Variants in ITFG1 observed in about 807,000 individuals in gnomAD.
The protein encoded by ITFG1 is T-cell immunomodulatory protein.
A neutral mutation model predicts 81.8 loss-of-function variants in ITFG1; 34 were observed. That is an observed-to-expected ratio of 0.42 (90% CI 0.32 to 0.55). The LOEUF (loss-of-function observed/expected upper bound fraction) is 0.55. Ranked by LOEUF, ITFG1 falls within the 20% of genes least tolerant of loss-of-function variation. The pLI is 0.17. For missense variants in ITFG1, 672 were observed against 755.4 expected, an observed-to-expected ratio of 0.89 and a Z score of 1.29; for synonymous variants, 285 against 270.6, an observed-to-expected ratio of 1.05 and a Z score of -0.52.
chr16:47,269,672 G>A (rs1181829612), intron 10 of ITFG1, among the ~76,000 whole-genome samples: 2 of 152,032 alleles, frequency 1.3e-5, no homozygotes, highest in African/African-American at 4.8e-5. Flanking sequence ...ATAGTCAGAG[G>A]ATGCAATATT....
chr16:47,185,848 C>T (rs368597620), intron 14 of ITFG1, among the ~76,000 whole-genome samples: 3 of 151,984 alleles, frequency 2.0e-5, no homozygotes, highest in Admixed American at 6.6e-5. Flanking sequence ...ATCAACAAAA[C>T]TGATAGACCG....
intron 8 of ITFG1, chr16:47,317,508 T>C (rs1033260098): frequency 6.6e-6 from 1 of 152,212 alleles, no homozygotes; most frequent in Non-Finnish European, 1.5e-5. Flanking sequence ...TGGCCCCAGA[T>C]TACCTTTCCA....
chr16:47,348,153 C>G (rs1967887798), intron 8 of ITFG1, among the ~76,000 whole-genome samples: 1 of 152,172 alleles, frequency 6.6e-6, no homozygotes, highest in South Asian at 2.1e-4. Context: ...AATCAGAGCA[C>G]CTCTCCTCCT....
At chr16:47,396,311 A>G (rs1340490658) in intron 6 of ITFG1, 4 of 185,838 alleles carry the variant, frequency 2.2e-5, no homozygotes, top group African/African-American at 9.5e-5. Flanking sequence ...GGAGGGAGGA[A>G]GTAGAGGGGG....
At chr16:47,208,617 C>T (rs1289675639) in intron 14 of ITFG1, among the ~76,000 whole-genome samples, 1 of 152,130 alleles carries the variant, frequency 6.6e-6, no homozygotes. Flanking sequence ...TTTCTGTTGG[C>T]AACCATAAGA....
intron 14 of ITFG1, among the ~76,000 whole-genome samples, chr16:47,193,222 T>A (rs1160180): frequency 0.14 from 19,730 of 145,404 alleles, 2,792 homozygotes; most frequent in African/African-American, 0.36. Context: ...ATTAAAAAAA[T>A]TTTTTTTTTT....
At chr16:47,397,559 A>G (rs1164263905) in intron 6 of ITFG1, among the ~76,000 whole-genome samples, 1 of 152,222 alleles carries the variant, frequency 6.6e-6, no homozygotes. Flanking sequence ...GACACTGGAC[A>G]ATGTCTAAAG....
chr16:47,212,571 C>G (rs1965577154), intron 14 of ITFG1, among the ~76,000 whole-genome samples: 1 of 152,112 alleles, frequency 6.6e-6, no homozygotes, highest in Non-Finnish European at 1.5e-5. Context: ...TTGGGTCTAC[C>G]TATTTCTTTT....
At chr16:47,190,706 A>G (rs1187478765) in intron 14 of ITFG1, among the ~76,000 whole-genome samples, 1 of 152,220 alleles carries the variant, frequency 6.6e-6, no homozygotes, top group East Asian at 1.9e-4. Context: ...CATGAAGCAA[A>G]GCAGAATACT....
At chr16:47,348,454 G>C (rs1038667300) in intron 8 of ITFG1, among the ~76,000 whole-genome samples, 1 of 152,166 alleles carries the variant, frequency 6.6e-6, no homozygotes, top group Non-Finnish European at 1.5e-5. Context: ...GGAAGAAAGG[G>C]TATCAGTGAT....
At chr16:47,275,189 C>T (rs1204622288) in intron 10 of ITFG1, among the ~76,000 whole-genome samples, 1 of 151,998 alleles carries the variant, frequency 6.6e-6, no homozygotes, top group Non-Finnish European at 1.5e-5. Flanking sequence ...ATCTGTTATT[C>T]TACTCTGTTT....
intron 10 of ITFG1, among the ~76,000 whole-genome samples, chr16:47,303,747 C>G (rs969428496): frequency 1.3e-5 from 2 of 152,174 alleles, no homozygotes; most frequent in African/African-American, 4.8e-5. Context: ...CTCAGGCCTC[C>G]TGAGTCCCTA....
chr16:47,254,404 TTAC>T (rs924731256), intron 12 of ITFG1, among the ~76,000 whole-genome samples: 1 of 152,060 alleles, frequency 6.6e-6, no homozygotes, highest in African/African-American at 2.4e-5. Flanking sequence ...ATTATTATTA[TTAC>T]AACTGGGAAT....
chr16:47,419,376 C>A (rs1451543416), intron 6 of ITFG1, among the ~76,000 whole-genome samples: 1 of 151,968 alleles, frequency 6.6e-6, no homozygotes, highest in Non-Finnish European at 1.5e-5. Context: ...TCAAGCAATC[C>A]CCCCATCTCA....
chr16:47,229,380 G>C (rs1965791648), intron 13 of ITFG1, among the ~76,000 whole-genome samples: 1 of 152,148 alleles, frequency 6.6e-6, no homozygotes, highest in South Asian at 2.1e-4. Context: ...GGTGACAGAG[G>C]TGACAGAACA....
At chr16:47,443,908 TAAATA>T (rs1296739147) in intron 5 of ITFG1, among the ~76,000 whole-genome samples, 1 of 151,754 alleles carries the variant, frequency 6.6e-6, no homozygotes, top group Non-Finnish European at 1.5e-5. Flanking sequence ...AATAATAAAA[TAAATA>T]AAATAAAATG....
At chr16:47,281,763 C>T (rs1966453448) in intron 10 of ITFG1, among the ~76,000 whole-genome samples, 1 of 151,928 alleles carries the variant, frequency 6.6e-6, no homozygotes, top group Non-Finnish European at 1.5e-5. Flanking sequence ...TAACAATCCT[C>T]TCTTTTTTTT....
At chr16:47,157,857 T>G (rs1964739273) in intron 17 of ITFG1, among the ~76,000 whole-genome samples, 1 of 152,216 alleles carries the variant, frequency 6.6e-6, no homozygotes, top group South Asian at 2.1e-4. Context: ...ACACCTTTCT[T>G]TGGGGCCACA....
chr16:47,433,311 T>C (rs1052414739), intron 5 of ITFG1, among the ~76,000 whole-genome samples: 1 of 152,200 alleles, frequency 6.6e-6, no homozygotes, highest in African/African-American at 2.4e-5. Flanking sequence ...TGCTATAACT[T>C]AAAAAGAAAA....
Sources: gnomAD v4.1 joint callset for allele counts (sites outside exome capture counted in the v4.1 genomes callset) on GRCh38, gnomAD v4.1.1 for gene constraint, MANE v1.5 for transcripts, NCBI Gene and HGNC (gene_info 2026-07-23, HGNC 2026-07-21) for gene names.